The following PEX13 variants were observed in gnomAD, a reference collection of about 807,000 sequenced individuals.
PEX13 encodes the protein peroxisomal biogenesis factor 13.
In PEX13, 28 loss-of-function variants were observed where a neutral mutation model predicts 34.5. The observed-to-expected ratio is 0.81, with a 90% CI of 0.60 to 1.11. The LOEUF (loss-of-function observed/expected upper bound fraction) is 1.11, where lower values mean the gene tolerates loss of function less well. PEX13 is among the 50% of genes most tolerant of loss of function. PEX13 has a pLI of 0.00. For synonymous variants in PEX13, 177 were observed against 175.1 expected, an observed-to-expected ratio of 1.01 and a Z score of -0.09; for missense variants, 550 against 491.0, an observed-to-expected ratio of 1.12 and a Z score of -1.13.
chr2:61,024,543 C>T (rs1680317575), intron 1 of PEX13, among the ~76,000 whole-genome samples: 2 of 152,208 alleles, frequency 1.3e-5, no homozygotes, highest in African/African-American at 4.8e-5. Context: ...GGTGCAGTGG[C>T]TCATGCCTGT....
intron 2 of PEX13, among the ~76,000 whole-genome samples, chr2:61,038,939 A>G (rs1281925398): frequency 6.6e-6 from 1 of 152,222 alleles, no homozygotes; most frequent in Non-Finnish European, 1.5e-5. Flanking sequence ...TGCAAAAATC[A>G]CAAGCATTCC....
chr2:61,019,804 G>T (rs1205334686), intron 1 of PEX13, among the ~76,000 whole-genome samples: 1 of 152,058 alleles, frequency 6.6e-6, no homozygotes, highest in African/African-American at 2.4e-5. Flanking sequence ...TCCACACATT[G>T]CTGTTCTTTG....
chr2:61,035,021 G>A (rs1337306791), intron 2 of PEX13, among the ~76,000 whole-genome samples: 2 of 152,220 alleles, frequency 1.3e-5, no homozygotes, highest in Non-Finnish European at 2.9e-5. Context: ...CCTCAAGCAG[G>A]TCCCTGACCC....
intron 1 of PEX13, among the ~76,000 whole-genome samples, chr2:61,028,805 G>A (rs1340884277): frequency 6.6e-6 from 1 of 152,190 alleles, no homozygotes; most frequent in Non-Finnish European, 1.5e-5. Context: ...CAAATGCAGT[G>A]TGTGAGCCTT....
intron 2 of PEX13, among the ~76,000 whole-genome samples, chr2:61,034,178 G>T (rs1019221571): frequency 6.6e-6 from 1 of 152,014 alleles, no homozygotes; most frequent in Admixed American, 6.6e-5. Flanking sequence ...TTGTATTTTA[G>T]TAGAGACGGG....
chr2:61,020,090 G>A (rs1012734693), intron 1 of PEX13, among the ~76,000 whole-genome samples: 3 of 152,174 alleles, frequency 2.0e-5, no homozygotes, highest in Non-Finnish European at 4.4e-5. Context: ...GCTGGGTGCG[G>A]TGGCGGGCAC....
chr2:61,039,127 C>T (rs1036074588), intron 2 of PEX13, among the ~76,000 whole-genome samples: 1 of 152,170 alleles, frequency 6.6e-6, no homozygotes, highest in East Asian at 1.9e-4. Flanking sequence ...ATTCCATGCC[C>T]ATGGATAGGA....
intron 1 of PEX13, among the ~76,000 whole-genome samples, chr2:61,021,954 A>G (rs1680271676): frequency 1.3e-5 from 2 of 152,256 alleles, no homozygotes; most frequent in African/African-American, 4.8e-5. Context: ...TAGAAGGAAA[A>G]CTAGTAGACA....
chr2:61,047,989 CTGTCTTCAGGAT>C (rs370409316), intron 3 of PEX13, among the ~76,000 whole-genome samples: 81 of 152,272 alleles, frequency 5.3e-4, no homozygotes, highest in African/African-American at 1.9e-3. Context: ...TTAATATTTA[CTGTCTTCAGGAT>C]TGTTTATTAC....
chr2:61,030,998 TTAAAG>T (rs1680440066), intron 1 of PEX13, among the ~76,000 whole-genome samples: 1 of 152,130 alleles, frequency 6.6e-6, no homozygotes, highest in African/African-American at 2.4e-5. Context: ...ATTTTAAACT[TTAAAG>T]TGATGCCTGG....
chr2:61,032,876 G>C (rs1680475376), intron 2 of PEX13, among the ~76,000 whole-genome samples: 1 of 152,118 alleles, frequency 6.6e-6, no homozygotes, highest in Non-Finnish European at 1.5e-5. Context: ...AAAGTATATA[G>C]GCAGAAAATA....
intron 2 of PEX13, among the ~76,000 whole-genome samples, chr2:61,041,229 T>C (rs2104809850): frequency 6.6e-6 from 1 of 152,212 alleles, no homozygotes; most frequent in South Asian, 2.1e-4. Flanking sequence ...CTTGGGAGGC[T>C]GAGATGGGAG....
Position 61,024,422 on chromosome 2 carries a change from C to T in PEX13, c.92+6571C>T, listed in dbSNP as rs149063826. Among the ~76,000 whole-genome samples the T allele has an allele frequency of 3.2e-3, 480 of 152,218 alleles. 2 individuals carry two copies. The highest frequency in any genetic ancestry group is 4.5e-3 in the Non-Finnish European group (307 of 68,012). On this transcript the variant is annotated intron_variant, in intron 1 of 3. Coordinates refer to ENST00000295030, the MANE Select transcript of PEX13 (RefSeq NM_002618.4). The stretch of plus-strand genomic sequence containing the variant: ...TCTTACTCTCTTTTCTGTATTTATC[C>T]TTCTGTTTCTTATGCTTCATTCTGG...
chr2:61,023,179 AT>A (rs143167055), intron 1 of PEX13, among the ~76,000 whole-genome samples: 3,336 of 151,916 alleles, frequency 0.022, 136 homozygotes, highest in African/African-American at 0.076. Context: ...TAATTTTTAT[AT>A]TTTTAGTAGA....
intron 2 of PEX13, among the ~76,000 whole-genome samples, chr2:61,034,389 C>T (rs576079722): frequency 5.7e-4 from 87 of 152,316 alleles, no homozygotes; most frequent in Non-Finnish European, 1.0e-3. Context: ...CCAGCAAGAT[C>T]GACGCAGAAG....
chr2:61,039,831 G>T (rs899172448), intron 2 of PEX13, among the ~76,000 whole-genome samples: 4 of 152,070 alleles, frequency 2.6e-5, no homozygotes, highest in Non-Finnish European at 2.9e-5. Flanking sequence ...GAAAATGTTT[G>T]CAATCTACCC....
chr2:61,038,296 C>T (rs1038471764), intron 2 of PEX13, among the ~76,000 whole-genome samples: 2 of 152,152 alleles, frequency 1.3e-5, no homozygotes, highest in African/African-American at 4.8e-5. Context: ...GGCAGAGAAA[C>T]ACACACACAA....
In PEX13 at chr2:61,048,611, G is replaced by C. The variant is rs759524829; in HGVS notation, c.1053G>C (p.Gln351His). The change falls in exon 4 of 4, where the codon CAG becomes CAC. Residue 351 changes from glutamine (Q) to histidine (H), a missense_variant. Gln to His is a conservative substitution (Grantham distance 24, BLOSUM62 0). Coordinates refer to ENST00000295030, the MANE Select transcript of PEX13 (RefSeq NM_002618.4). ...TGGAATCAAGTAAAGTTTCCAAGCA[G>C]CAACAATCTTTTACCAACCCAACAC... ...KTVESSKVSK[Q>H]QQSFTNPTLT... is the part of the protein sequence containing the mutation. The C allele has an allele frequency of 5.6e-6, 9 of 1,614,000 alleles. No individual in the cohort carries two copies. The highest frequency in any genetic ancestry group is 6.8e-6 in the Non-Finnish European group (8 of 1,180,024).
chr2:61,042,271 CAG>C (rs1372863694), intron 2 of PEX13, among the ~76,000 whole-genome samples: 1 of 152,126 alleles, frequency 6.6e-6, no homozygotes, highest in Non-Finnish European at 1.5e-5. Context: ...ATAGTTTGCA[CAG>C]AGACTATATG....
Sources: allele counts gnomAD v4.1 joint callset (sites outside exome capture counted in the v4.1 genomes callset), GRCh38; gene constraint gnomAD v4.1.1; transcripts MANE v1.5; gene names NCBI Gene and HGNC (gene_info 2026-07-23, HGNC 2026-07-21).